The following MIPOL1 variants were observed in gnomAD, a reference collection of about 807,000 sequenced individuals.
The protein encoded by MIPOL1 is mirror-image polydactyly 1.
MIPOL1 carries 57 observed loss-of-function variants against 60.9 expected under a neutral mutation model. That is an observed-to-expected ratio of 0.94 (90% confidence interval 0.76 to 1.17). The LOEUF is 1.17. Ranked by LOEUF, MIPOL1 falls within the 50% of genes most tolerant of loss-of-function variation. The probability of loss-of-function intolerance (pLI) is 0.00; values close to 1 mark genes in which losing one functional copy is unlikely to be tolerated. For synonymous variants in MIPOL1, 179 were observed against 168.8 expected (o/e 1.06, Z -0.47); for missense variants, 551 against 511.6 (o/e 1.08, Z -0.74).
At chr14:37,524,886 G>T (rs1323279914) in intron 12 of MIPOL1, among the ~76,000 whole-genome samples, 1 of 151,776 alleles carries the variant, frequency 6.6e-6, no homozygotes, top group Non-Finnish European at 1.5e-5. Context: ...ATTTTAAAAA[G>T]ACAAAGGAAG....
At chr14:37,345,017 A>C (rs893610500) in intron 9 of MIPOL1, among the ~76,000 whole-genome samples, 5 of 4,516 alleles carry the variant, frequency 1.1e-3, no homozygotes. Flanking sequence ...ACTCTTATCA[A>C]AAAAAAAAAA....
intron 11 of MIPOL1, among the ~76,000 whole-genome samples, chr14:37,468,849 T>G (rs1403974897): frequency 6.6e-6 from 1 of 152,122 alleles, no homozygotes; most frequent in Non-Finnish European, 1.5e-5. Context: ...AGGAGCTAGT[T>G]AAGTAAAGGG....
intron 11 of MIPOL1, among the ~76,000 whole-genome samples, chr14:37,472,939 A>C (rs1276515535): frequency 2.6e-5 from 4 of 152,184 alleles, no homozygotes; most frequent in Admixed American, 6.5e-5. Flanking sequence ...CCCTATTATA[A>C]ATTGTAACAG....
chr14:37,337,102 G>T (rs950260702), intron 9 of MIPOL1, among the ~76,000 whole-genome samples: 5 of 151,506 alleles, frequency 3.3e-5, no homozygotes, highest in African/African-American at 1.2e-4. Flanking sequence ...CTTGGTTGTA[G>T]TATCACTTGG....
intron 12 of MIPOL1, chr14:37,506,875 T>C (rs902648831): frequency 6.6e-6 from 1 of 152,062 alleles, no homozygotes; most frequent in Admixed American, 6.6e-5. Flanking sequence ...ATCCAGAATG[T>C]ACATAATTTA....
At chr14:37,200,400 A>G (rs1184980559) in intron 1 of MIPOL1, among the ~76,000 whole-genome samples, 2 of 152,236 alleles carry the variant, frequency 1.3e-5, no homozygotes, top group Admixed American at 6.5e-5. Flanking sequence ...GCATTCAGCA[A>G]TTTCATAAAT....
chr14:37,218,471 A>T (rs1413428907), intron 1 of MIPOL1, among the ~76,000 whole-genome samples: 1 of 152,112 alleles, frequency 6.6e-6, no homozygotes, highest in Non-Finnish European at 1.5e-5. Flanking sequence ...CACAGACGTG[A>T]GCCACTGCGC....
intron 11 of MIPOL1, among the ~76,000 whole-genome samples, chr14:37,430,653 A>G (rs1350840372): frequency 7.9e-5 from 12 of 152,164 alleles, no homozygotes; most frequent in Non-Finnish European, 1.6e-4. Flanking sequence ...GTAAACAGCA[A>G]TAGTATCTAA....
At chr14:37,387,642 T>G (rs1434822399) in intron 10 of MIPOL1, among the ~76,000 whole-genome samples, 1 of 151,934 alleles carries the variant, frequency 6.6e-6, no homozygotes, top group Admixed American at 6.6e-5. Flanking sequence ...ATTCACTTTA[T>G]TGTATAATAT....
At chr14:37,478,064 G>T (rs1277835903) in intron 11 of MIPOL1, among the ~76,000 whole-genome samples, 1 of 152,228 alleles carries the variant, frequency 6.6e-6, no homozygotes, top group African/African-American at 2.4e-5. Context: ...CTGGACAGCA[G>T]TGTAAGTGTG....
intron 9 of MIPOL1, among the ~76,000 whole-genome samples, chr14:37,363,386 T>A (rs990502389): frequency 2.6e-5 from 4 of 152,158 alleles, no homozygotes; most frequent in African/African-American, 9.7e-5. Flanking sequence ...TGCAGGTCCA[T>A]TGGAGTTTGC....
At chr14:37,463,185 G>C (rs1193516200) in intron 11 of MIPOL1, among the ~76,000 whole-genome samples, 1 of 152,168 alleles carries the variant, frequency 6.6e-6, no homozygotes, top group Non-Finnish European at 1.5e-5. Context: ...ATGTCAGCAG[G>C]CTAAGAGAGA....
At chr14:37,409,535 C>A (rs1448149699) in intron 10 of MIPOL1, among the ~76,000 whole-genome samples, 1 of 152,150 alleles carries the variant, frequency 6.6e-6, no homozygotes, top group Non-Finnish European at 1.5e-5. Flanking sequence ...CACCTGTAAT[C>A]CCAGCACTTT....
intron 10 of MIPOL1, among the ~76,000 whole-genome samples, chr14:37,377,748 T>C (rs1299371778): frequency 1.7e-5 from 2 of 119,090 alleles, no homozygotes; most frequent in East Asian, 4.2e-4. Flanking sequence ...TTTTATGCCT[T>C]TTTTTTTTTT....
At position 37,300,228 on chromosome 14, in the gene MIPOL1, G is replaced by A. The variant is rs112599941; in HGVS notation, c.624-7828G>A. On this transcript the variant is annotated intron_variant, in intron 7 of 12. Coordinates refer to ENST00000684589, the MANE Select transcript of MIPOL1 (RefSeq NM_001388067.1). ...CTAAGTACAGTCCATACTAAAGAATGAAGATGGGAGGTTGTTGAGCCCCAC... is the reference window on the plus strand; with the variant it reads ...CTAAGTACAGTCCATACTAAAGAATAAAGATGGGAGGTTGTTGAGCCCCAC... Among the ~76,000 whole-genome samples, 333 of 149,592 alleles carry A rather than the reference G, an allele frequency of 2.2e-3. 1 individual carries two copies. The highest frequency in any genetic ancestry group is 7.6e-3 in the African/African-American group (311 of 40,846).
chr14:37,239,048 ATTTTTTT>A lies in MIPOL1; in HGVS notation c.-198-8042_-198-8036del, dbSNP rs569559063. On this transcript the variant is annotated intron_variant, in intron 1 of 12. Transcript: ENST00000684589. ...TTTCAAAAGTAGCATACATTGCTTAATTTTTTTTTTTTTTTTTTTGAGATGGAGTCTG... is the reference window on the plus strand; with the variant it reads ...TTTCAAAAGTAGCATACATTGCTTAATTTTTTTTTTTTGAGATGGAGTCTG... Among the ~76,000 whole-genome samples, 5 of 134,156 alleles carry A rather than the reference ATTTTTTT, an allele frequency of 3.7e-5. No individual in the cohort carries two copies. In the Admixed American group the frequency reaches 3.7e-4, roughly 10 times the overall value. 88.0% of individuals were successfully genotyped at this position (134,156 alleles called of 152,430 possible).
At chr14:37,265,691 A>G (rs577068071) in intron 3 of MIPOL1, among the ~76,000 whole-genome samples, 61 of 152,248 alleles carry the variant, frequency 4.0e-4, no homozygotes, top group African/African-American at 1.5e-3. Flanking sequence ...TAAGTCAGCC[A>G]TGTGTATTCT....
chr14:37,225,390 CG>C (rs1315588790), intron 1 of MIPOL1, among the ~76,000 whole-genome samples: 1 of 152,160 alleles, frequency 6.6e-6, no homozygotes, highest in Non-Finnish European at 1.5e-5. Flanking sequence ...CAGGCATTTC[CG>C]TACATCCTCT....
intron 1 of MIPOL1, among the ~76,000 whole-genome samples, chr14:37,216,834 G>A (rs995115593): frequency 6.6e-5 from 10 of 152,122 alleles, no homozygotes; most frequent in African/African-American, 2.2e-4. Context: ...TAAAAAAGAG[G>A]AAATACTTCA....
Sources: allele counts gnomAD v4.1 joint callset (sites outside exome capture counted in the v4.1 genomes callset), GRCh38; gene constraint gnomAD v4.1.1; transcripts MANE v1.5; gene names NCBI Gene and HGNC (gene_info 2026-07-23, HGNC 2026-07-21).